Variants in MRAP2 observed in about 807,000 individuals in gnomAD.
MRAP2 encodes melanocortin-2 receptor accessory protein 2.
A neutral mutation model predicts 17.4 loss-of-function variants in MRAP2; 20 were observed. The observed-to-expected ratio is 1.15, with a 90% CI of 0.81 to 1.67. MRAP2 has a LOEUF of 1.67. Among genes scored for constraint, MRAP2 ranks in the 40% most tolerant of loss-of-function variants. MRAP2 has a pLI of 0.00. For synonymous variants in MRAP2, 96 were observed against 88.4 expected, an observed-to-expected ratio of 1.09 and a Z score of -0.48; for missense variants, 238 against 240.0, an observed-to-expected ratio of 0.99 and a Z score of 0.05.
chr6:84,062,143 G>C (rs2099493322), intron 2 of MRAP2: 23 of 980,006 alleles, frequency 2.3e-5, no homozygotes, highest in Non-Finnish European at 2.7e-5. Context: ...GCCCAAGAAG[G>C]CCTCCATTAT....
At chr6:84,116,302 G>A in the MRAP2 span, among the ~76,000 whole-genome samples, 4 of 152,060 alleles carry the variant, frequency 2.6e-5, no homozygotes, top group Admixed American at 2.6e-4. Flanking sequence ...GGATCATAAG[G>A]GTGATACTTT....
chr6:84,033,946 C>T, intron 1 of MRAP2, 63 bp downstream of exon 1: 1 of 981,344 alleles, frequency 1.0e-6, no homozygotes, highest in Non-Finnish European at 1.2e-6. Flanking sequence ...GTGCGGGGCG[C>T]GTGCAGCTTT....
chr6:84,043,442 C>T (rs1235202537), intron 1 of MRAP2, among the ~76,000 whole-genome samples: 2 of 152,072 alleles, frequency 1.3e-5, no homozygotes, highest in African/African-American at 4.8e-5. Flanking sequence ...TGATCCCTAC[C>T]CTCAAGGGTA....
intron 3 of MRAP2, among the ~76,000 whole-genome samples, chr6:84,066,644 C>T (rs2099494782): frequency 6.6e-6 from 1 of 152,140 alleles, no homozygotes; most frequent in Non-Finnish European, 1.5e-5. Flanking sequence ...CTTTATATCT[C>T]ACCAAGTCCT....
At chr6:84,103,855 C>T in the MRAP2 span, among the ~76,000 whole-genome samples, 4 of 152,126 alleles carry the variant, frequency 2.6e-5, no homozygotes, top group African/African-American at 4.8e-5. Flanking sequence ...TGGTCAGGCT[C>T]CTGCTGTGTT....
At chr6:84,035,401 C>T (rs1329603337) in intron 1 of MRAP2, 4 of 984,372 alleles carry the variant, frequency 4.1e-6, no homozygotes, top group Non-Finnish European at 3.6e-6. Context: ...AAACCAACTC[C>T]CTTCCCTTTT....
chr6:84,111,898 G>C, the MRAP2 span, among the ~76,000 whole-genome samples: 865 of 152,254 alleles, frequency 5.7e-3, 12 homozygotes, highest in African/African-American at 0.019. Flanking sequence ...TTATGTGATG[G>C]ATTACATTTA....
At chr6:84,074,755 T>C (rs1459134165) in intron 3 of MRAP2, among the ~76,000 whole-genome samples, 2 of 152,222 alleles carry the variant, frequency 1.3e-5, no homozygotes, top group African/African-American at 4.8e-5. Context: ...AATCACAGTT[T>C]ACCTGAGAGA....
chr6:84,074,597 G>C (rs1448808417), intron 3 of MRAP2, among the ~76,000 whole-genome samples: 2 of 152,120 alleles, frequency 1.3e-5, no homozygotes, highest in African/African-American at 2.4e-5. Flanking sequence ...GTAATCACAG[G>C]ATGACAGATA....
intron 3 of MRAP2, among the ~76,000 whole-genome samples, chr6:84,077,329 C>T (rs1351123450): frequency 6.6e-6 from 1 of 152,152 alleles, no homozygotes; most frequent in African/African-American, 2.4e-5. Flanking sequence ...GGTGGAAGGG[C>T]CTATCAGGTA....
chr6:84,059,622 T>C (rs1292500555), intron 2 of MRAP2, among the ~76,000 whole-genome samples: 1 of 152,138 alleles, frequency 6.6e-6, no homozygotes, highest in African/African-American at 2.4e-5. Flanking sequence ...TTCCATTCAT[T>C]AAAGGTTAGG....
At chr6:84,050,126 T>C (rs2129162307) in intron 1 of MRAP2, among the ~76,000 whole-genome samples, 1 of 152,268 alleles carries the variant, frequency 6.6e-6, no homozygotes, top group Non-Finnish European at 1.5e-5. Flanking sequence ...ATGACCTTTT[T>C]TCTTTAATTG....
intron 3 of MRAP2, chr6:84,063,368 G>C: frequency 1.0e-6 from 1 of 985,378 alleles, no homozygotes; most frequent in Non-Finnish European, 1.2e-6. Context: ...GGCAAAATAG[G>C]ATGAAAACCA....
chr6:84,102,453 G>A, the MRAP2 span, among the ~76,000 whole-genome samples: 1 of 152,194 alleles, frequency 6.6e-6, no homozygotes, highest in Non-Finnish European at 1.5e-5. Flanking sequence ...CTATGAAGAT[G>A]GAGGAAGGGA....
intron 3 of MRAP2, among the ~76,000 whole-genome samples, chr6:84,081,552 C>T (rs1320095852): frequency 2.0e-5 from 3 of 152,206 alleles, no homozygotes; most frequent in African/African-American, 7.2e-5. Context: ...GGCACAGTGG[C>T]TCATGCCTAT....
the MRAP2 span, among the ~76,000 whole-genome samples, chr6:84,112,331 G>A: frequency 1.3e-5 from 2 of 152,118 alleles, no homozygotes; most frequent in African/African-American, 4.8e-5. Flanking sequence ...TGTAGACTTG[G>A]GAGACTGTAT....
the MRAP2 span, among the ~76,000 whole-genome samples, chr6:84,096,968 A>G: frequency 6.6e-6 from 1 of 152,234 alleles, no homozygotes; most frequent in East Asian, 1.9e-4. Context: ...TTTATTAGGC[A>G]CTAAGCTACC....
At chr6:84,126,212 T>A in the MRAP2 span, among the ~76,000 whole-genome samples, 1 of 152,054 alleles carries the variant, frequency 6.6e-6, no homozygotes, top group Non-Finnish European at 1.5e-5. Flanking sequence ...AGATATAAAG[T>A]CTCATTTTCT....
the MRAP2 span, among the ~76,000 whole-genome samples, chr6:84,123,482 C>CA: frequency 6.6e-6 from 1 of 152,078 alleles, no homozygotes. Flanking sequence ...GGGGAAAGGA[C>CA]ACCCTACTCA....
Sources: gnomAD v4.1 joint callset for allele counts (sites outside exome capture counted in the v4.1 genomes callset) on GRCh38, gnomAD v4.1.1 for gene constraint, MANE v1.5 for transcripts, NCBI Gene and HGNC (gene_info 2026-07-23, HGNC 2026-07-21) for gene names.